CUL3: variants seen among roughly 807,000 people sequenced by gnomAD.
CUL3 encodes cullin 3.
CUL3 carries 19 observed loss-of-function variants against 89.1 expected under a neutral mutation model. The observed-to-expected ratio is 0.21, with a 90% CI of 0.15 to 0.31. The LOEUF (loss-of-function observed/expected upper bound fraction) is 0.31, where lower values mean the gene tolerates loss of function less well. CUL3 is among the 10% of genes least tolerant of loss of function. CUL3 has a pLI of 1.00. For synonymous variants in CUL3, 351 were observed against 308.4 expected (o/e 1.14, Z -1.45); for missense variants, 469 against 942.3 (o/e 0.50, Z 6.58).
At chr2:224,542,267 C>T (rs13013735) in intron 2 of CUL3, among the ~76,000 whole-genome samples, 28,932 of 152,064 alleles carry the variant, frequency 0.19, 3,076 homozygotes, top group South Asian at 0.27. Flanking sequence ...TAGCTTTTCT[C>T]GCATTTTTAA....
chr2:224,579,949 G>A (rs945914044), intron 1 of CUL3, among the ~76,000 whole-genome samples: 3 of 152,116 alleles, frequency 2.0e-5, no homozygotes, highest in Admixed American at 2.0e-4. Context: ...CAGTAAAAAT[G>A]GTAAGAAATG....
At chr2:224,582,123 C>G (rs1695455680) in intron 1 of CUL3, among the ~76,000 whole-genome samples, 1 of 152,092 alleles carries the variant, frequency 6.6e-6, no homozygotes, top group East Asian at 1.9e-4. Context: ...CGCCACCACG[C>G]CCCGCTAATT....
chr2:224,556,908 C>G (rs541047340), intron 2 of CUL3, among the ~76,000 whole-genome samples: 12 of 151,858 alleles, frequency 7.9e-5, no homozygotes, highest in Middle Eastern at 3.2e-3. Flanking sequence ...GAAGGGTACA[C>G]AAGAGTTCAC....
Position 224,471,333 on chromosome 2 carries a change from A to G in CUL3, c.*2912T>C, listed in dbSNP as rs567860520. 384 of 202,568 alleles carry G rather than the reference A, an allele frequency of 1.9e-3. 2 individuals carry two copies. The highest frequency in any genetic ancestry group is 8.3e-3 in the Middle Eastern group (5 of 604). 12.5% of individuals were successfully genotyped at this position (202,568 alleles called of 1,614,324 possible). A position where few individuals can be genotyped will look rare whatever the true frequency, so the allele number is the denominator to read the frequency against. ...AAAATCTTTAACACTAGTTACTGAA[A>G]ATGAGTATCTTAAACTGTAAACATT... On this transcript the variant is annotated 3_prime_UTR_variant, in exon 16 of 16. Transcript: ENST00000264414.
chr2:224,557,563 C>T, intron 2 of CUL3, 96 bp downstream of exon 2: 1 of 800,788 alleles, frequency 1.2e-6, no homozygotes, highest in South Asian at 2.2e-5. Flanking sequence ...GCTTCTGGCA[C>T]CTTTAAAAAG....
intron 2 of CUL3, among the ~76,000 whole-genome samples, chr2:224,547,173 C>A (rs568794382): frequency 6.6e-6 from 1 of 152,204 alleles, no homozygotes; most frequent in South Asian, 2.1e-4. Context: ...CTGCAGTCAG[C>A]CTTTCTAAGG....
chr2:224,480,587 T>A (rs1302493059), intron 14 of CUL3, among the ~76,000 whole-genome samples: 2 of 152,220 alleles, frequency 1.3e-5, no homozygotes, highest in African/African-American at 2.4e-5. Flanking sequence ...AAGACTTTTT[T>A]AAACATAATA....
At chr2:224,513,770 C>T (rs1445788837) in intron 4 of CUL3, 132 bp from the exon 5 acceptor site, 3 of 598,860 alleles carry the variant, frequency 5.0e-6, no homozygotes, top group South Asian at 4.9e-5. Flanking sequence ...CTCCAATAGG[C>T]CACTCATGTA....
chr2:224,548,579 T>C (rs1377892838), intron 2 of CUL3, among the ~76,000 whole-genome samples: 1 of 152,184 alleles, frequency 6.6e-6, no homozygotes, highest in Non-Finnish European at 1.5e-5. Context: ...TATTTGATTA[T>C]TACTATGGAG....
At chr2:224,490,051 G>C (rs1434253857) in intron 13 of CUL3, among the ~76,000 whole-genome samples, 2 of 152,168 alleles carry the variant, frequency 1.3e-5, no homozygotes, top group Non-Finnish European at 2.9e-5. Flanking sequence ...GATATGAACA[G>C]ACACTTCTCA....
intron 15 of CUL3, among the ~76,000 whole-genome samples, chr2:224,476,253 G>T (rs1691316114): frequency 6.6e-6 from 1 of 152,090 alleles, no homozygotes; most frequent in Admixed American, 6.5e-5. Context: ...CTGACCGCAG[G>T]TGATCCGCCC....
chr2:224,498,571 C>T (rs1352233602), intron 11 of CUL3, among the ~76,000 whole-genome samples: 2 of 152,172 alleles, frequency 1.3e-5, no homozygotes, highest in African/African-American at 4.8e-5. Flanking sequence ...AGACTATAGG[C>T]AGTGCCTAAA....
chr2:224,518,821 C>T (rs1345795033), intron 3 of CUL3, among the ~76,000 whole-genome samples: 1 of 152,174 alleles, frequency 6.6e-6, no homozygotes, highest in Non-Finnish European at 1.5e-5. Flanking sequence ...TATTTGCTAT[C>T]GGTCTCCCAT....
At chr2:224,503,160 T>C in intron 9 of CUL3, 88 bp from the exon 10 acceptor site, 1 of 857,920 alleles carries the variant, frequency 1.2e-6, no homozygotes. Flanking sequence ...TTCATGTTAT[T>C]GCTATCCCTG....
At chr2:224,565,085 G>A (rs1474532553) in intron 1 of CUL3, among the ~76,000 whole-genome samples, 2 of 152,042 alleles carry the variant, frequency 1.3e-5, no homozygotes, top group African/African-American at 2.4e-5. Context: ...CTGACCTCCT[G>A]AGCAGTCAAA....
intron 2 of CUL3, among the ~76,000 whole-genome samples, chr2:224,551,093 G>A (rs1028154188): frequency 1.1e-4 from 16 of 145,404 alleles, no homozygotes; most frequent in Non-Finnish European, 3.0e-5. Context: ...TAATCGCTCT[G>A]TTGCCCAGGC....
rs1691114205 is a variant in CUL3, at chr2:224,471,044, G to GT, written c.*3200dup. 4.4e-6 allele frequency: 1 copy of GT among 225,990 alleles called. No individual in the cohort carries two copies. Among genetic ancestry groups the GT allele is most frequent in the Non-Finnish European group, 8.8e-6 (1 of 113,734 alleles). The allele number at this position is 225,990 out of a possible 1,614,324, so 14.0% of individuals were successfully genotyped here. A position where few individuals can be genotyped will look rare whatever the true frequency, so the allele number is the denominator to read the frequency against. On this transcript the variant is annotated 3_prime_UTR_variant, in exon 16 of 16. Coordinates refer to ENST00000264414, the MANE Select transcript of CUL3 (RefSeq NM_003590.5). ...GAATATACATAAAATATTCAGAATA[G>GT]TATCTGGCATATGATAAGCACTTAA...
At chr2:224,557,553 G>C (rs1694752502) in intron 2 of CUL3, 106 bp downstream of exon 2, 4 of 690,416 alleles carry the variant, frequency 5.8e-6, no homozygotes, top group Non-Finnish European at 9.2e-6. Context: ...ATTTCTATAG[G>C]CTTCTGGCAC....
At chr2:224,510,331 C>CAA (rs1692775274) in intron 6 of CUL3, among the ~76,000 whole-genome samples, 4 of 141,776 alleles carry the variant, frequency 2.8e-5, no homozygotes, top group African/African-American at 7.9e-5. Flanking sequence ...TTACATATAA[C>CAA]TTTTCAGGGA....
Sources: gnomAD v4.1 joint callset for allele counts (sites outside exome capture counted in the v4.1 genomes callset) on GRCh38, gnomAD v4.1.1 for gene constraint, MANE v1.5 for transcripts, NCBI Gene and HGNC (gene_info 2026-07-23, HGNC 2026-07-21) for gene names.